Variants in GPC3 observed in about 807,000 individuals in gnomAD.
GPC3 encodes the protein glypican-3.
GPC3 carries 3 observed loss-of-function variants against 34.4 expected under a neutral mutation model. That is an observed-to-expected ratio of 0.09 (90% CI 0.04 to 0.23). The LOEUF (loss-of-function observed/expected upper bound fraction) is 0.23, where lower values mean the gene tolerates loss of function less well. Ranked by LOEUF, GPC3 falls within the 10% of genes least tolerant of loss-of-function variation. The pLI, the probability that GPC3 is intolerant of heterozygous loss-of-function variation, is 1.00. For missense variants in GPC3, 351 were observed against 445.6 expected, an observed-to-expected ratio of 0.79 and a Z score of 1.91; for synonymous variants, 177 against 174.0, an observed-to-expected ratio of 1.02 and a Z score of -0.13.
chrX:133,846,630 C>T (rs73567073), intron 2 of GPC3, among the ~76,000 whole-genome samples: 7,161 of 111,352 alleles, frequency 0.064, 353 homozygotes, highest in African/African-American at 0.16. Context: ...AAAGGCAGAA[C>T]TCACTCAGTT....
Position 133,573,753 on chromosome X carries a change from A to C in GPC3, c.1573+22687T>G, listed in dbSNP as rs142810070. Among the ~76,000 whole-genome samples the C allele has an allele frequency of 7.9e-3, 893 of 112,521 alleles. 11 individuals carry two copies. The highest frequency in any genetic ancestry group is 0.027 in the African/African-American group (845 of 31,122). ...ACTCTGAATAATACAAAACATTGTT[A>C]AAGGAAATTAAACAAGAATTAAATA... On this transcript the variant is annotated intron_variant, in intron 7 of 7. Coordinates refer to ENST00000370818, the MANE Select transcript of GPC3 (RefSeq NM_004484.4).
intron 5 of GPC3, 119 bp from the exon 6 acceptor site, chrX:133,661,969 G>A (rs1420257515): frequency 2.5e-6 from 2 of 796,609 alleles, no homozygotes; most frequent in Non-Finnish European, 3.7e-6. Flanking sequence ...ACCTCATGGT[G>A]CAAAAGTAGA....
intron 1 of GPC3, among the ~76,000 whole-genome samples, chrX:133,966,490 T>A (rs2076463963): frequency 8.9e-6 from 1 of 112,281 alleles, no homozygotes; most frequent in Non-Finnish European, 1.9e-5. Flanking sequence ...AATAGCTAAC[T>A]TAAATTTCAG....
intron 3 of GPC3, among the ~76,000 whole-genome samples, chrX:133,750,732 T>C (rs753002946): frequency 8.9e-5 from 10 of 111,868 alleles, no homozygotes; most frequent in Non-Finnish European, 1.5e-4. Flanking sequence ...ATCAAAACAG[T>C]GCGCTTAATT....
intron 7 of GPC3, among the ~76,000 whole-genome samples, chrX:133,550,017 T>C (rs751392136): frequency 1.0e-4 from 11 of 109,038 alleles, no homozygotes; most frequent in African/African-American, 2.7e-4. Flanking sequence ...TTCTGTTTGT[T>C]TGTTTTGTTT....
At chrX:133,724,798 C>CTA (rs942381925) in intron 3 of GPC3, among the ~76,000 whole-genome samples, 1 of 112,192 alleles carries the variant, frequency 8.9e-6, no homozygotes, top group African/African-American at 3.2e-5. Context: ...CCTCCTTTTC[C>CTA]TATCACCCTG....
At chrX:133,831,438 A>T (rs1215710903) in intron 2 of GPC3, among the ~76,000 whole-genome samples, 1 of 111,962 alleles carries the variant, frequency 8.9e-6, no homozygotes, top group Non-Finnish European at 1.9e-5. Context: ...ATATTTAAAA[A>T]CTCAACTGTA....
At chrX:133,561,989 G>A (rs749879383) in intron 7 of GPC3, among the ~76,000 whole-genome samples, 10 of 111,829 alleles carry the variant, frequency 8.9e-5, no homozygotes, top group African/African-American at 3.2e-4. Flanking sequence ...GTTTATATTC[G>A]ATGACAAAAG....
chrX:133,825,389 C>A (rs2075741443), intron 2 of GPC3, among the ~76,000 whole-genome samples: 1 of 111,931 alleles, frequency 8.9e-6, no homozygotes, highest in Non-Finnish European at 1.9e-5. Context: ...GTGGAGCTCT[C>A]ACAAAGTGTC....
At position 133,857,391 on chromosome X, in the gene GPC3, T is replaced by G. The variant is rs182081366; in HGVS notation, c.337+95659A>C. 2.1e-3 allele frequency among the ~76,000 whole-genome samples: 231 copies of G among 112,471 alleles called. 1 individual carries two copies. The highest frequency in any genetic ancestry group is 6.8e-3 in the African/African-American group (212 of 31,027). ...AAAATTATTGTTCTTTGGCTCCTGCTAGGTATAACTACCTATATAAATTTC... is the reference window on the plus strand; with the variant it reads ...AAAATTATTGTTCTTTGGCTCCTGCGAGGTATAACTACCTATATAAATTTC... On this transcript the variant is annotated intron_variant, in intron 2 of 7. Coordinates refer to ENST00000370818, the MANE Select transcript of GPC3 (RefSeq NM_004484.4).
chrX:133,729,597 A>G (rs2071442851), intron 3 of GPC3, among the ~76,000 whole-genome samples: 1 of 111,807 alleles, frequency 8.9e-6, no homozygotes, highest in South Asian at 3.8e-4. Context: ...ATATCTAGTG[A>G]AGAACATATC....
At chrX:133,977,875 C>A (rs976844359) in intron 1 of GPC3, among the ~76,000 whole-genome samples, 3 of 111,813 alleles carry the variant, frequency 2.7e-5, no homozygotes, top group African/African-American at 9.8e-5. Context: ...GCCCTTTATC[C>A]TACCCAAATG....
At chrX:133,672,626 G>A (rs1470558548) in intron 5 of GPC3, among the ~76,000 whole-genome samples, 1 of 111,757 alleles carries the variant, frequency 8.9e-6, no homozygotes, top group Non-Finnish European at 1.9e-5. Flanking sequence ...AAACCAAAAG[G>A]ACACGATCTT....
At chrX:133,554,111 T>TTAAG (rs1433903120) in intron 7 of GPC3, among the ~76,000 whole-genome samples, 1 of 107,493 alleles carries the variant, frequency 9.3e-6, no homozygotes, top group Admixed American at 9.9e-5. Context: ...CCTCCCAGGT[T>TTAAG]TAAGTGATTC....
Position 133,775,392 on chromosome X carries a change from C to T in GPC3, c.338-21216G>A, listed in dbSNP as rs761068646. ...ACTTTTAGGTAGTGATTTCATTTTC[C>T]TTATTTTCAGGGTCTTGGGGAGGCC... On this transcript the variant is annotated intron_variant, in intron 2 of 7. Transcript: ENST00000370818. 4.5e-5 allele frequency among the ~76,000 whole-genome samples: 5 copies of T among 111,497 alleles called. No individual in the cohort carries two copies. In the South Asian group the frequency reaches 1.9e-3, roughly 42 times the overall value.
At chrX:133,717,027 C>T (rs1330912456) in intron 3 of GPC3, among the ~76,000 whole-genome samples, 1 of 110,614 alleles carries the variant, frequency 9.0e-6, no homozygotes, top group African/African-American at 3.3e-5. Flanking sequence ...GTGGCGTGAT[C>T]TCAACTCATT....
intron 6 of GPC3, among the ~76,000 whole-genome samples, chrX:133,652,095 G>A (rs191111264): frequency 3.7e-4 from 41 of 112,192 alleles, no homozygotes; most frequent in Non-Finnish European, 6.0e-4. Context: ...CAGACTTTCT[G>A]GTTTGTGGCT....
intron 2 of GPC3, among the ~76,000 whole-genome samples, chrX:133,817,295 T>A (rs1425072337): frequency 8.9e-6 from 1 of 111,784 alleles, no homozygotes; most frequent in African/African-American, 3.3e-5. Flanking sequence ...TTAGCCAGCA[T>A]CCTTGCTTGC....
chrX:133,668,047 G>A (rs1254235016), intron 5 of GPC3, among the ~76,000 whole-genome samples: 3 of 107,811 alleles, frequency 2.8e-5, no homozygotes, highest in Non-Finnish European at 3.8e-5. Context: ...GAGTACAGGC[G>A]CCCTGCCACC....
Sources: gnomAD v4.1 joint callset for allele counts (sites outside exome capture counted in the v4.1 genomes callset) on GRCh38, gnomAD v4.1.1 for gene constraint, MANE v1.5 for transcripts, NCBI Gene and HGNC (gene_info 2026-07-23, HGNC 2026-07-21) for gene names.